Variants in PPFIA2 observed in about 807,000 individuals in gnomAD.
PPFIA2 encodes liprin-alpha-2.
In PPFIA2, 46 loss-of-function variants were observed where a neutral mutation model predicts 175.5. The observed-to-expected ratio is 0.26, with a 90% CI of 0.21 to 0.34. The LOEUF (loss-of-function observed/expected upper bound fraction) is 0.34. Among genes scored for constraint, PPFIA2 ranks in the 10% least tolerant of loss-of-function variants. PPFIA2 has a pLI of 1.00. For synonymous variants in PPFIA2, 568 were observed against 511.4 expected (o/e 1.11, Z -1.49); for missense variants, 1,179 against 1,506.1 (o/e 0.78, Z 3.60).
intron 17 of PPFIA2, among the ~76,000 whole-genome samples, chr12:81,350,923 AAG>A (rs746939621): frequency 9.2e-5 from 14 of 152,200 alleles, no homozygotes; most frequent in Non-Finnish European, 2.9e-5. Flanking sequence ...CATTGTTCAA[AAG>A]ACTTAAAACC....
chr12:81,565,714 A>G (rs983522986), intron 4 of PPFIA2, among the ~76,000 whole-genome samples: 1 of 152,234 alleles, frequency 6.6e-6, no homozygotes, highest in Non-Finnish European at 1.5e-5. Context: ...ATCCTCAAAT[A>G]GATATTACTT....
chr12:81,386,378 T>A (rs2038967475), intron 8 of PPFIA2, among the ~76,000 whole-genome samples: 1 of 151,456 alleles, frequency 6.6e-6, no homozygotes, highest in Non-Finnish European at 1.5e-5. Context: ...AATCCCAGTA[T>A]TTTGGGAAGC....
intron 4 of PPFIA2, among the ~76,000 whole-genome samples, chr12:81,468,097 G>GA (rs1300961279): frequency 7.2e-5 from 11 of 152,012 alleles, no homozygotes; most frequent in Middle Eastern, 3.4e-3. Flanking sequence ...TTCTCCAATA[G>GA]AAAAAAATAA....
At chr12:81,615,834 T>A (rs750306540) in intron 4 of PPFIA2, among the ~76,000 whole-genome samples, 1 of 152,054 alleles carries the variant, frequency 6.6e-6, no homozygotes, top group Non-Finnish European at 1.5e-5. Flanking sequence ...GGAATAGGAA[T>A]AAGAGCATGT....
intron 3 of PPFIA2, among the ~76,000 whole-genome samples, chr12:81,739,106 T>C (rs979251858): frequency 4.6e-5 from 7 of 151,862 alleles, no homozygotes; most frequent in Non-Finnish European, 8.8e-5. Flanking sequence ...AATAAAAGAA[T>C]TGCAAGAAGT....
intron 24 of PPFIA2, chr12:81,292,784 A>T (rs1263354701): frequency 6.6e-6 from 1 of 152,080 alleles, no homozygotes; most frequent in Non-Finnish European, 1.5e-5. Flanking sequence ...TCAAGGGGCT[A>T]TTGTATTCTA....
At chr12:81,652,684 T>G (rs2067198905) in intron 4 of PPFIA2, among the ~76,000 whole-genome samples, 1 of 152,100 alleles carries the variant, frequency 6.6e-6, no homozygotes, top group South Asian at 2.1e-4. Flanking sequence ...CTAATTTGCT[T>G]CATTGTTGGT....
chr12:81,262,021 C>T lies in PPFIA2; in HGVS notation c.3735G>A (p.Gln1245=). Residue 1245 remains glutamine (Q), a synonymous_variant, in exon 32 of 33, where the codon CAG becomes CAA. Transcript: ENST00000549396. ...TGCGAACAGTGGAGTTGTCTAACCTCTGCAGTCTTGATGAAGCAACTGCAA... is the reference window on the plus strand; with the variant it reads ...TGCGAACAGTGGAGTTGTCTAACCTTTGCAGTCTTGATGAAGCAACTGCAA... ...MTTDVASSRL[Q]RLDNSTVRTY... 2 of 1,605,070 alleles carry T rather than the reference C, an allele frequency of 1.2e-6. No homozygotes were observed. Among genetic ancestry groups the T allele is most frequent in the African/African-American group, 1.3e-5 (1 of 74,866 alleles).
At chr12:81,632,156 T>C (rs2063467501) in intron 4 of PPFIA2, among the ~76,000 whole-genome samples, 1 of 152,166 alleles carries the variant, frequency 6.6e-6, no homozygotes, top group African/African-American at 2.4e-5. Flanking sequence ...GGTTTGTGTT[T>C]TATAATTTTA....
At position 81,529,171 on chromosome 12, in the gene PPFIA2, A is replaced by G. The variant is rs1241341391; in HGVS notation, c.304-71305T>C. ...AGAAAAGATAAAACTGACAACCCTC[A>G]AGAGAATTATTCTTATTTTAATGGA... On this transcript the variant is annotated intron_variant, in intron 4 of 32. Coordinates refer to ENST00000549396, the MANE Select transcript of PPFIA2 (RefSeq NM_003625.5). 2.6e-5 allele frequency among the ~76,000 whole-genome samples: 4 copies of G among 152,038 alleles called. No homozygotes were observed. In the East Asian group the frequency reaches 7.7e-4, roughly 29 times the overall value.
intron 19 of PPFIA2, among the ~76,000 whole-genome samples, chr12:81,344,456 A>G (rs1260799081): frequency 1.3e-5 from 2 of 151,356 alleles, no homozygotes; most frequent in Admixed American, 1.3e-4. Flanking sequence ...TATGGTTCTT[A>G]TAATCTAATT....
At chr12:81,708,561 T>C (rs760424417) in intron 3 of PPFIA2, among the ~76,000 whole-genome samples, 14 of 152,246 alleles carry the variant, frequency 9.2e-5, no homozygotes, top group Admixed American at 2.0e-4. Context: ...AGCATTAAAC[T>C]AAGTGGATAG....
At chr12:81,383,650 T>A (rs1042222299) in intron 9 of PPFIA2, among the ~76,000 whole-genome samples, 2 of 152,078 alleles carry the variant, frequency 1.3e-5, no homozygotes, top group Non-Finnish European at 2.9e-5. Context: ...AAATAAGCAA[T>A]GGAACAATTT....
intron 4 of PPFIA2, among the ~76,000 whole-genome samples, chr12:81,563,036 C>T (rs927946517): frequency 6.6e-6 from 1 of 151,808 alleles, no homozygotes; most frequent in African/African-American, 2.4e-5. Flanking sequence ...GATGTCATGG[C>T]CCTCATTTTT....
chr12:81,331,360 T>C (rs1436544112), intron 21 of PPFIA2, among the ~76,000 whole-genome samples: 1 of 152,222 alleles, frequency 6.6e-6, no homozygotes, highest in African/African-American at 2.4e-5. Context: ...TAGTAGGTTA[T>C]ATTATTTAGG....
intron 4 of PPFIA2, among the ~76,000 whole-genome samples, chr12:81,624,423 C>T (rs1388280764): frequency 6.8e-6 from 1 of 146,470 alleles, no homozygotes; most frequent in East Asian, 2.0e-4. Flanking sequence ...AATATATATA[C>T]TTATTATATA....
intron 16 of PPFIA2, among the ~76,000 whole-genome samples, chr12:81,353,714 T>A (rs1397199244): frequency 6.6e-6 from 1 of 152,204 alleles, no homozygotes; most frequent in Non-Finnish European, 1.5e-5. Flanking sequence ...TAATTAGTCT[T>A]CCTATATTTT....
chr12:81,347,476 G>T, intron 18 of PPFIA2, 57 bp downstream of exon 18: 2 of 1,416,134 alleles, frequency 1.4e-6, no homozygotes, highest in Non-Finnish European at 2.0e-6. Context: ...TTAAGTTTTA[G>T]CTAAAGCATC....
intron 4 of PPFIA2, among the ~76,000 whole-genome samples, chr12:81,659,598 C>T (rs1031599918): frequency 2.6e-5 from 4 of 152,190 alleles, no homozygotes; most frequent in Admixed American, 6.5e-5. Flanking sequence ...CAAGGAGGCC[C>T]TGCCTGCCTC....
Sources: gnomAD v4.1 joint callset for allele counts (sites outside exome capture counted in the v4.1 genomes callset) on GRCh38, gnomAD v4.1.1 for gene constraint, MANE v1.5 for transcripts, NCBI Gene and HGNC (gene_info 2026-07-23, HGNC 2026-07-21) for gene names.